CNBD1: variants seen among roughly 807,000 people sequenced by gnomAD.
CNBD1 encodes the protein cyclic nucleotide-binding domain-containing protein 1.
CNBD1 carries 71 observed loss-of-function variants against 54.4 expected under a neutral mutation model. The observed-to-expected ratio is 1.30, with a 90% CI of 1.08 to 1.59. CNBD1 has a LOEUF of 1.59. CNBD1 is among the 40% of genes most tolerant of loss of function. The pLI is 0.00. For missense variants in CNBD1, 659 were observed against 518.0 expected (o/e 1.27, Z -2.64); for synonymous variants, 182 against 170.7 (o/e 1.07, Z -0.51).
At position 86,878,105 on chromosome 8, in the gene CNBD1, T is replaced by TGA. The variant is rs34491735; in HGVS notation, c.89-9412_89-9411dup. Among the ~76,000 whole-genome samples the TGA allele has an allele frequency of 4.0e-3, 568 of 140,930 alleles. 2 individuals are homozygous for TGA. Among genetic ancestry groups the TGA allele is most frequent in the East Asian group, 0.013 (60 of 4,664 alleles). The allele number at this position is 140,930 out of a possible 152,430, so 92.5% of individuals were successfully genotyped here. A position where few individuals can be genotyped will look rare whatever the true frequency, so the allele number is the denominator to read the frequency against. On this transcript the variant is annotated intron_variant, in intron 1 of 10. Transcript: ENST00000518476. ...CTGTGTGTGTGTGTGTGTGTGTGTG[T>TGA]GAGAGAGAGAGAGAGAGAGAGAGAG...
chr8:87,111,669 C>T (rs1235173933), intron 4 of CNBD1, among the ~76,000 whole-genome samples: 1 of 152,076 alleles, frequency 6.6e-6, no homozygotes, highest in Non-Finnish European at 1.5e-5. Flanking sequence ...TTTATTTATT[C>T]GTGATCTCTT....
intron 8 of CNBD1, among the ~76,000 whole-genome samples, chr8:87,331,583 T>A (rs952348045): frequency 6.6e-6 from 1 of 152,212 alleles, no homozygotes; most frequent in Non-Finnish European, 1.5e-5. Context: ...TACCCAGTAA[T>A]GGGATTGCTG....
At chr8:87,235,494 G>C (rs990560867) in intron 5 of CNBD1, among the ~76,000 whole-genome samples, 2 of 152,032 alleles carry the variant, frequency 1.3e-5, no homozygotes, top group Non-Finnish European at 2.9e-5. Context: ...TGTGTTTCAG[G>C]GAGTAGAAAG....
intron 8 of CNBD1, among the ~76,000 whole-genome samples, chr8:87,313,428 GTC>G (rs1186637495): frequency 2.6e-5 from 4 of 151,954 alleles, no homozygotes; most frequent in Non-Finnish European, 5.9e-5. Flanking sequence ...AAGTACTGTG[GTC>G]TCATATTTAT....
intron 4 of CNBD1, among the ~76,000 whole-genome samples, chr8:87,119,628 G>C (rs1811850834): frequency 2.0e-5 from 3 of 152,060 alleles, no homozygotes; most frequent in Admixed American, 1.3e-4. Flanking sequence ...TCGAATAGGA[G>C]TGGTGAAGGT....
intron 8 of CNBD1, among the ~76,000 whole-genome samples, chr8:87,338,460 TTTG>T (rs556358906): frequency 3.6e-4 from 55 of 152,090 alleles, no homozygotes; most frequent in Admixed American, 4.6e-4. Flanking sequence ...GGTTGGTGAT[TTTG>T]TTGTTGTTGT....
chr8:87,428,597 T>A, exon 3 of CNBD1: 3 of 455,288 alleles, frequency 6.6e-6, no homozygotes, highest in Non-Finnish European at 1.3e-5. Context: ...AAACCAACTT[T>A]TGGCCATCTG....
chr8:86,868,008 GT>G lies in CNBD1; in HGVS notation c.88+1426del, dbSNP rs565905210. Among the ~76,000 whole-genome samples, 23 of 152,240 alleles carry G rather than the reference GT, an allele frequency of 1.5e-4. No individual in the cohort carries two copies. The South Asian group carries it at 2.1e-3, about 14-fold the overall frequency. On this transcript the variant is annotated intron_variant, in intron 1 of 10. Coordinates refer to ENST00000518476, the MANE Select transcript of CNBD1 (RefSeq NM_173538.3). Reference sequence around the variant, plus strand: ...ATGTCTGCAACTTCTCTTTGAGGACGTGCCCTGCTTGCCTTAATAACTGTGT... The same window carrying G: ...ATGTCTGCAACTTCTCTTTGAGGACGGCCCTGCTTGCCTTAATAACTGTGT...
chr8:87,407,730 G>T (rs887103287), intron 2 of CNBD1, among the ~76,000 whole-genome samples: 1 of 151,848 alleles, frequency 6.6e-6, no homozygotes, highest in Non-Finnish European at 1.5e-5. Flanking sequence ...GTTTCAATTT[G>T]TATTACCTTG....
chr8:87,420,058 A>T (rs1423936915), intron 2 of CNBD1, among the ~76,000 whole-genome samples: 1 of 151,642 alleles, frequency 6.6e-6, no homozygotes, highest in Non-Finnish European at 1.5e-5. Context: ...TTTATTACAA[A>T]ATGTAAGATT....
chr8:87,379,866 C>G (rs865806973), intron 10 of CNBD1, among the ~76,000 whole-genome samples: 4 of 151,772 alleles, frequency 2.6e-5, no homozygotes, highest in African/African-American at 7.3e-5. Flanking sequence ...AGCTTAGTAG[C>G]AAATCCTAAG....
chr8:86,931,979 C>A (rs1809465248), intron 3 of CNBD1, among the ~76,000 whole-genome samples: 1 of 152,168 alleles, frequency 6.6e-6, no homozygotes. Context: ...AGACTCCAGT[C>A]TCCATGATCT....
At chr8:87,097,367 C>T (rs914649106) in intron 4 of CNBD1, among the ~76,000 whole-genome samples, 4 of 152,134 alleles carry the variant, frequency 2.6e-5, no homozygotes, top group Admixed American at 2.6e-4. Flanking sequence ...CATGAGATCA[C>T]GTGTCTCCAA....
chr8:87,006,317 G>T (rs1368733516), intron 4 of CNBD1, among the ~76,000 whole-genome samples: 1 of 152,006 alleles, frequency 6.6e-6, no homozygotes, highest in South Asian at 2.1e-4. Flanking sequence ...AAAACAGAAG[G>T]CATCACTTGC....
intron 4 of CNBD1, among the ~76,000 whole-genome samples, chr8:86,997,883 A>G (rs2130539655): frequency 6.6e-6 from 1 of 152,252 alleles, no homozygotes; most frequent in South Asian, 2.1e-4. Context: ...TCTCCCCTAT[A>G]AGAAGCTCCC....
chr8:87,138,043 A>C (rs1163601928), intron 4 of CNBD1, among the ~76,000 whole-genome samples: 1 of 152,132 alleles, frequency 6.6e-6, no homozygotes, highest in Middle Eastern at 3.2e-3. Context: ...AATTCGGATT[A>C]TTTCTTAAAA....
intron 4 of CNBD1, among the ~76,000 whole-genome samples, chr8:87,173,407 TC>T (rs1813130538): frequency 2.0e-5 from 3 of 152,208 alleles, no homozygotes; most frequent in African/African-American, 7.2e-5. Flanking sequence ...TTCTTATTGC[TC>T]ATTAACTTTC....
At chr8:87,042,467 T>C (rs1426502392) in intron 4 of CNBD1, among the ~76,000 whole-genome samples, 1 of 152,152 alleles carries the variant, frequency 6.6e-6, no homozygotes, top group African/African-American at 2.4e-5. Flanking sequence ...GCTGTGAGTA[T>C]GAATTGATTG....
intron 4 of CNBD1, among the ~76,000 whole-genome samples, chr8:87,140,106 A>G (rs191476510): frequency 6.6e-6 from 1 of 152,312 alleles, no homozygotes; most frequent in East Asian, 1.9e-4. Flanking sequence ...TGTCCCACAC[A>G]GAATAGTCCA....
Sources: allele counts gnomAD v4.1 joint callset (sites outside exome capture counted in the v4.1 genomes callset), GRCh38; gene constraint gnomAD v4.1.1; transcripts MANE v1.5; gene names NCBI Gene and HGNC (gene_info 2026-07-23, HGNC 2026-07-21).